The following C19orf47 variants were observed in gnomAD, a reference collection of about 807,000 sequenced individuals.
The protein encoded by C19orf47 is uncharacterized protein C19orf47.
Under a neutral mutation model 32.3 loss-of-function variants are expected in C19orf47, and 18 were observed. The ratio of observed to expected loss-of-function variants is 0.56; its 90% CI spans 0.39 to 0.83. The LOEUF (loss-of-function observed/expected upper bound fraction) is 0.83, where lower values mean the gene tolerates loss of function less well. C19orf47 is among the 40% of genes least tolerant of loss of function. The pLI, the probability that C19orf47 is intolerant of heterozygous loss-of-function variation, is 0.00. For missense variants in C19orf47, 484 were observed against 531.6 expected (o/e 0.91, Z 0.88); for synonymous variants, 202 against 211.1 (o/e 0.96, Z 0.37).
Position 40,320,031 on chromosome 19 carries a change from C to T in C19orf47, c.*1851G>A, listed in dbSNP as rs1323191141. On this transcript the variant is annotated 3_prime_UTR_variant, in exon 9 of 9. Transcript: ENST00000683109. ...CGTTCCCCCAGATGCTCCGGTCTAACATCTAGGCGGGCCCTATGATTCTCA... is the reference window on the plus strand; with the variant it reads ...CGTTCCCCCAGATGCTCCGGTCTAATATCTAGGCGGGCCCTATGATTCTCA... The T allele has an allele frequency of 6.5e-6, 1 of 154,352 alleles. No individual in the cohort carries two copies. The highest frequency in any genetic ancestry group is 1.5e-5 in the Non-Finnish European group (1 of 68,522). The allele number at this position is 154,352 out of a possible 1,614,324, so 9.6% of individuals were successfully genotyped here.
At chr19:40,328,660 G>T in intron 5 of C19orf47, 110 bp from the exon 6 acceptor site, 1 of 1,384,616 alleles carries the variant, frequency 7.2e-7, no homozygotes, top group Non-Finnish European at 9.8e-7. Context: ...TGAATGAGAA[G>T]GTCAGCGGGT....
intron 4 of C19orf47, among the ~76,000 whole-genome samples, chr19:40,335,426 T>A (rs1419225386): frequency 6.6e-6 from 1 of 152,188 alleles, no homozygotes; most frequent in Non-Finnish European, 1.5e-5. Flanking sequence ...CAGTTTCCAC[T>A]GTGCTAGTGC....
intron 2 of C19orf47, among the ~76,000 whole-genome samples, chr19:40,339,399 A>G (rs1397321103): frequency 4.6e-5 from 7 of 152,218 alleles, no homozygotes; most frequent in Non-Finnish European, 8.8e-5. Context: ...ACACACCAGG[A>G]GACACGTACA....
intron 4 of C19orf47, 77 bp from the exon 5 acceptor site, chr19:40,334,006 G>A (rs2145575673): frequency 2.8e-6 from 3 of 1,075,054 alleles, no homozygotes; most frequent in Non-Finnish European, 4.0e-6. Flanking sequence ...AACACCACAA[G>A]GATCAACACC....
Position 40,336,334 on chromosome 19 carries a change from C to T in C19orf47, c.93G>A (p.Met31Ile). Residue 31 changes from methionine to isoleucine, a missense_variant, in exon 3 of 9, where the codon ATG becomes ATA. Physicochemically the swap from Met to Ile is conservative, Grantham distance 10. Coordinates refer to ENST00000683109, the MANE Select transcript of C19orf47 (RefSeq NM_001256441.2). ...PPGPAVNYAV[M>I]FVDNRIQKSM... ...AGCCTCCTCACCTATTATCCACAAACATCACGGCATAATTGACGGCAGGTC... is the reference window on the plus strand; with the variant it reads ...AGCCTCCTCACCTATTATCCACAAATATCACGGCATAATTGACGGCAGGTC... 1 of 1,614,234 alleles carries T rather than the reference C, an allele frequency of 6.2e-7. No individual in the cohort carries two copies. Among genetic ancestry groups the T allele is most frequent in the African/African-American group, 1.3e-5 (1 of 75,064 alleles).
At chr19:40,296,398 A>G in the C19orf47 span, among the ~76,000 whole-genome samples, 2 of 152,030 alleles carry the variant, frequency 1.3e-5, no homozygotes, top group Admixed American at 1.3e-4. Context: ...ATCCTGCCTC[A>G]GCATCCCGAG....
At chr19:40,328,314 T>C in intron 6 of C19orf47, 99 bp downstream of exon 6, 1 of 1,529,914 alleles carries the variant, frequency 6.5e-7, no homozygotes, top group South Asian at 1.2e-5. Context: ...CCTTGTGGCC[T>C]TCAAAGCACC....
intron 4 of C19orf47, chr19:40,334,832 C>T (rs4803327): frequency 0.39 from 58,399 of 151,390 alleles, 12,863 homozygotes; most frequent in South Asian, 0.61. Context: ...GAATCACTTG[C>T]ACCTGGGAGG....
chr19:40,335,719 C>T (rs1383602400), intron 4 of C19orf47, among the ~76,000 whole-genome samples: 1 of 151,974 alleles, frequency 6.6e-6, no homozygotes, highest in Non-Finnish European at 1.5e-5. Flanking sequence ...ACGTCATTCT[C>T]CTGCCTCAGC....
At chr19:40,341,748 T>C (rs2078181982) in intron 2 of C19orf47, 91 bp downstream of exon 2, 2 of 1,515,064 alleles carry the variant, frequency 1.3e-6, no homozygotes, top group Non-Finnish European at 1.8e-6. Flanking sequence ...GACCCAGTCC[T>C]CCCTCCCCCA....
At chr19:40,326,911 T>C (rs1267167769) in intron 6 of C19orf47, among the ~76,000 whole-genome samples, 1 of 152,164 alleles carries the variant, frequency 6.6e-6, no homozygotes, top group Non-Finnish European at 1.5e-5. Context: ...TACACCTCAA[T>C]TTAAAAAATG....
intron 1 of C19orf47, among the ~76,000 whole-genome samples, chr19:40,345,623 C>T (rs1337875312): frequency 2.0e-5 from 3 of 150,490 alleles, no homozygotes; most frequent in African/African-American, 7.3e-5. Context: ...GGGTGGATCA[C>T]CTGAGGTCAG....
the C19orf47 span, among the ~76,000 whole-genome samples, chr19:40,295,540 T>G: frequency 6.6e-6 from 1 of 151,346 alleles, no homozygotes; most frequent in Non-Finnish European, 1.5e-5. Context: ...GTTCAAGCGA[T>G]TCTCCCTGCC....
chr19:40,301,272 T>C, the C19orf47 span, among the ~76,000 whole-genome samples: 2 of 151,988 alleles, frequency 1.3e-5, no homozygotes, highest in Admixed American at 6.6e-5. Context: ...GCCATAGGCA[T>C]AGTTTGATGG....
chr19:40,305,649 A>G, the C19orf47 span, among the ~76,000 whole-genome samples: 8 of 152,190 alleles, frequency 5.3e-5, no homozygotes, highest in Non-Finnish European at 1.2e-4. Context: ...CCTAAATGCA[A>G]CATGTTAAGT....
chr19:40,324,079 G>A lies in C19orf47; in HGVS notation c.593-3C>T. The A allele has an allele frequency of 2.5e-6, 4 of 1,614,238 alleles. 1 individual carries two copies. The South Asian group carries it at 4.4e-5, about 18-fold the overall frequency. ...AAACACAGACGTCCTATGGAGACCTGGGAGGGAAGTGAAGCCATCAGGGAG... is the reference window on the plus strand; with the variant it reads ...AAACACAGACGTCCTATGGAGACCTAGGAGGGAAGTGAAGCCATCAGGGAG... On this transcript the variant is annotated splice_region_variant and splice_polypyrimidine_tract_variant and intron_variant, in intron 7 of 8. Transcript: ENST00000683109.
chr19:40,345,884 G>A (rs994471595), intron 1 of C19orf47, among the ~76,000 whole-genome samples: 7 of 148,330 alleles, frequency 4.7e-5, no homozygotes, highest in East Asian at 2.0e-4. Context: ...GTGGCTGGGC[G>A]CAGTGGCTCA....
At position 40,321,814 on chromosome 19, in the gene C19orf47, C is replaced by T; in HGVS notation, c.*68G>A. ...GGAGCTGGTGGGAGGCGTGATGAAG[C>T]CAGGAGCCTGGGGCGGCCAGGGCAG... On this transcript the variant is annotated 3_prime_UTR_variant, in exon 9 of 9. Coordinates refer to ENST00000683109, the MANE Select transcript of C19orf47 (RefSeq NM_001256441.2). 2 of 1,455,960 alleles carry T rather than the reference C, an allele frequency of 1.4e-6. No individual in the cohort carries two copies. The allele number at this position is 1,455,960 out of a possible 1,614,324, so 90.2% of individuals were successfully genotyped here. A position where few individuals can be genotyped will look rare whatever the true frequency, so the allele number is the denominator to read the frequency against.
chr19:40,315,518 C>T (rs184155903), downstream of C19orf47, among the ~76,000 whole-genome samples: 223 of 152,126 alleles, frequency 1.5e-3, no homozygotes, highest in Middle Eastern at 0.014. Context: ...TGGTGGCTCA[C>T]GCCTGTAATC....
Sources: gnomAD v4.1 joint callset for allele counts (sites outside exome capture counted in the v4.1 genomes callset) on GRCh38, gnomAD v4.1.1 for gene constraint, MANE v1.5 for transcripts, NCBI Gene and HGNC (gene_info 2026-07-23, HGNC 2026-07-21) for gene names.